Variants in DTD1 observed in about 807,000 individuals in gnomAD.
The protein encoded by DTD1 is D-aminoacyl-tRNA deacylase 1, also known as D-tyrosyl-tRNA deacylase 1 homolog.
Under a neutral mutation model 25.6 loss-of-function variants are expected in DTD1, and 13 were observed. The ratio of observed to expected loss-of-function variants is 0.51; its 90% CI spans 0.33 to 0.81. DTD1 has a LOEUF of 0.81. Among genes scored for constraint, DTD1 ranks in the 30% least tolerant of loss-of-function variants. DTD1 has a pLI of 0.02. For missense variants in DTD1, 193 were observed against 266.4 expected (o/e 0.72, Z 1.92); for synonymous variants, 110 against 103.6 (o/e 1.06, Z -0.37).
At position 18,708,287 on chromosome 20, in the gene DTD1, AT is replaced by A. The variant is rs1568676954; in HGVS notation, c.478-35812del. 1.7e-3 allele frequency among the ~76,000 whole-genome samples: 31 copies of A among 18,518 alleles called. 2 individuals carry two copies. Among genetic ancestry groups the A allele is most frequent in the Admixed American group, 4.2e-3 (6 of 1,422 alleles). The allele number at this position is 18,518 out of a possible 152,430, so 12.1% of individuals were successfully genotyped here. Reference sequence around the variant, plus strand: ...ATTTTATATATATATAATATATATTATATATATATAATATATATATTTTATA... The same window carrying A: ...ATTTTATATATATATAATATATATTAATATATATAATATATATATTTTATA... On this transcript the variant is annotated intron_variant, in intron 4 of 5. Coordinates refer to ENST00000377452, the MANE Select transcript of DTD1 (RefSeq NM_080820.6).
chr20:18,686,859 G>A (rs1190578343), intron 4 of DTD1, among the ~76,000 whole-genome samples: 1 of 152,164 alleles, frequency 6.6e-6, no homozygotes, highest in East Asian at 1.9e-4. Flanking sequence ...GAAAGTCTTG[G>A]GGAAGAGATT....
At chr20:18,712,334 T>C (rs1299909612) in intron 4 of DTD1, among the ~76,000 whole-genome samples, 2 of 149,412 alleles carry the variant, frequency 1.3e-5, no homozygotes, top group African/African-American at 4.9e-5. Context: ...TGAAATTCTT[T>C]CCTTTGTGAC....
intron 3 of DTD1, among the ~76,000 whole-genome samples, chr20:18,623,351 G>GT (rs1007709491): frequency 1.7e-4 from 26 of 151,556 alleles, no homozygotes; most frequent in Admixed American, 5.3e-4. Flanking sequence ...AGCGTTTTTA[G>GT]TTTTTTTTGT....
At chr20:18,629,581 G>A (rs765434316) in intron 4 of DTD1, among the ~76,000 whole-genome samples, 2 of 151,876 alleles carry the variant, frequency 1.3e-5, no homozygotes, top group Non-Finnish European at 2.9e-5. Flanking sequence ...GAGATTACAG[G>A]CAAGAGTCAC....
At chr20:18,623,689 T>G (rs1007351005) in intron 3 of DTD1, among the ~76,000 whole-genome samples, 1 of 152,170 alleles carries the variant, frequency 6.6e-6, no homozygotes, top group African/African-American at 2.4e-5. Flanking sequence ...ATCTGAATTT[T>G]TGTGACAGCC....
intron 4 of DTD1, among the ~76,000 whole-genome samples, chr20:18,654,082 A>G (rs1022934505): frequency 2.6e-5 from 4 of 152,186 alleles, no homozygotes; most frequent in Non-Finnish European, 5.9e-5. Context: ...GTTTAAACAA[A>G]TAAAACTCCA....
chr20:18,615,493 G>A (rs2122285927), intron 3 of DTD1, among the ~76,000 whole-genome samples: 2 of 152,300 alleles, frequency 1.3e-5, no homozygotes, highest in Middle Eastern at 3.4e-3. Context: ...GAATGCTGAA[G>A]GCCCCATTTG....
chr20:18,720,586 G>T (rs2061198496), intron 4 of DTD1, among the ~76,000 whole-genome samples: 1 of 152,170 alleles, frequency 6.6e-6, no homozygotes, highest in Non-Finnish European at 1.5e-5. Flanking sequence ...CAAGCAGCTT[G>T]GCTCAAACCT....
chr20:18,712,642 T>C (rs1164253047), intron 4 of DTD1, among the ~76,000 whole-genome samples: 3 of 152,070 alleles, frequency 2.0e-5, no homozygotes, highest in Non-Finnish European at 2.9e-5. Flanking sequence ...GGCTTTTCAA[T>C]AAAGTAGCAG....
chr20:18,668,560 C>T (rs751942033), intron 4 of DTD1, among the ~76,000 whole-genome samples: 1 of 152,172 alleles, frequency 6.6e-6, no homozygotes, highest in African/African-American at 2.4e-5. Context: ...GCTTGACCCA[C>T]ACCTGTGGCA....
intron 4 of DTD1, among the ~76,000 whole-genome samples, chr20:18,676,405 A>G (rs1164899559): frequency 6.6e-6 from 1 of 152,152 alleles, no homozygotes; most frequent in Non-Finnish European, 1.5e-5. Context: ...TTTTTAAAAA[A>G]GTCAGCTATT....
At chr20:18,641,082 C>T (rs1305436091) in intron 4 of DTD1, among the ~76,000 whole-genome samples, 1 of 152,170 alleles carries the variant, frequency 6.6e-6, no homozygotes, top group Non-Finnish European at 1.5e-5. Context: ...TATGAATAAT[C>T]ATATGGTATT....
intron 4 of DTD1, among the ~76,000 whole-genome samples, chr20:18,727,675 C>T (rs1413991671): frequency 6.6e-6 from 1 of 152,128 alleles, no homozygotes; most frequent in Non-Finnish European, 1.5e-5. Flanking sequence ...TCACTCTCCC[C>T]TTCCCACCAT....
intron 4 of DTD1, among the ~76,000 whole-genome samples, chr20:18,636,570 T>C (rs1047986961): frequency 6.6e-6 from 1 of 152,242 alleles, no homozygotes; most frequent in African/African-American, 2.4e-5. Flanking sequence ...TAGTCTGTAA[T>C]GACTGATGAG....
chr20:18,760,045 C>T (rs1394248410), intron 5 of DTD1, among the ~76,000 whole-genome samples: 4 of 152,198 alleles, frequency 2.6e-5, no homozygotes, highest in Admixed American at 6.5e-5. Flanking sequence ...GAGGCTTATG[C>T]GTTCGTCACA....
intron 4 of DTD1, among the ~76,000 whole-genome samples, chr20:18,687,460 GT>G (rs2061021497): frequency 6.6e-6 from 1 of 152,232 alleles, no homozygotes; most frequent in Non-Finnish European, 1.5e-5. Flanking sequence ...TTCCACAGTG[GT>G]AGCCCAGGTT....
intron 4 of DTD1, among the ~76,000 whole-genome samples, chr20:18,664,876 T>C (rs1366497530): frequency 6.6e-6 from 1 of 151,908 alleles, no homozygotes; most frequent in Non-Finnish European, 1.5e-5. Context: ...GGTCACTAGT[T>C]GCCTCAAATC....
At chr20:18,666,459 C>T (rs2060931651) in intron 4 of DTD1, among the ~76,000 whole-genome samples, 1 of 152,174 alleles carries the variant, frequency 6.6e-6, no homozygotes, top group Non-Finnish European at 1.5e-5. Flanking sequence ...TATCTACATG[C>T]ATTATTTATA....
chr20:18,601,252 C>T (rs542774721), intron 3 of DTD1, among the ~76,000 whole-genome samples: 15 of 152,170 alleles, frequency 9.9e-5, no homozygotes, highest in East Asian at 1.9e-4. Context: ...GTAATCCCAG[C>T]GCTTTGGGAA....
Sources: allele counts gnomAD v4.1 joint callset (sites outside exome capture counted in the v4.1 genomes callset), GRCh38; gene constraint gnomAD v4.1.1; transcripts MANE v1.5; gene names NCBI Gene and HGNC (gene_info 2026-07-23, HGNC 2026-07-21).